FSHR: variants seen among roughly 807,000 people sequenced by gnomAD.
FSHR encodes the protein follicle-stimulating hormone receptor.
In FSHR, 46 loss-of-function variants were observed where a neutral mutation model predicts 52.1. The ratio of observed to expected loss-of-function variants is 0.88; its 90% CI spans 0.70 to 1.13. The LOEUF is 1.13. FSHR is among the 50% of genes most tolerant of loss of function. The pLI, the probability that FSHR is intolerant of heterozygous loss-of-function variation, is 0.00. For missense variants in FSHR, 964 were observed against 834.6 expected (o/e 1.16, Z -1.91); for synonymous variants, 399 against 309.6 (o/e 1.29, Z -3.03).
intron 2 of FSHR, among the ~76,000 whole-genome samples, chr2:49,036,951 C>A (rs1267300794): frequency 6.6e-6 from 1 of 152,202 alleles, no homozygotes; most frequent in Non-Finnish European, 1.5e-5. Flanking sequence ...GAACGCTGAG[C>A]ATGCATTGAA....
intron 2 of FSHR, among the ~76,000 whole-genome samples, chr2:49,043,086 G>C (rs193124574): frequency 1.7e-4 from 26 of 152,240 alleles, no homozygotes; most frequent in African/African-American, 6.0e-4. Context: ...GGGGACATCA[G>C]GAAAACACTG....
At position 49,020,168 on chromosome 2, in the gene FSHR, G is replaced by A; in HGVS notation, c.225-8C>T. On this transcript the variant is annotated splice_region_variant and splice_polypyrimidine_tract_variant and intron_variant, in intron 2 of 9. Coordinates refer to ENST00000406846, the MANE Select transcript of FSHR (RefSeq NM_000145.4). Reference sequence around the variant, plus strand: ...TCATTCTGAGAGATCTCTCTGTGGAGAAAAAAATATATAAGTCAAGCCAGT... The same window carrying A: ...TCATTCTGAGAGATCTCTCTGTGGAAAAAAAAATATATAAGTCAAGCCAGT... 4 of 1,609,670 alleles carry A rather than the reference G, an allele frequency of 2.5e-6. No individual in the cohort carries two copies. The highest frequency in any genetic ancestry group is 2.2e-5 in the East Asian group (1 of 44,862).
chr2:49,097,918 T>G (rs1036766798), intron 1 of FSHR, among the ~76,000 whole-genome samples: 1 of 151,896 alleles, frequency 6.6e-6, no homozygotes, highest in Non-Finnish European at 1.5e-5. Context: ...TGGATTTTTA[T>G]CTTATAAATT....
intron 6 of FSHR, among the ~76,000 whole-genome samples, 155 bp downstream of exon 6, chr2:48,988,822 A>G (rs1675633773): frequency 6.6e-6 from 1 of 152,240 alleles, no homozygotes; most frequent in Non-Finnish European, 1.5e-5. Flanking sequence ...TGATTCTGAA[A>G]TGTAAAGATG....
intron 1 of FSHR, among the ~76,000 whole-genome samples, chr2:49,100,280 T>C (rs1670979815): frequency 6.6e-6 from 1 of 152,166 alleles, no homozygotes; most frequent in Non-Finnish European, 1.5e-5. Context: ...TTTGCTTTCC[T>C]GCTTGTAAGT....
At chr2:49,153,129 C>T (rs1414091656) in intron 1 of FSHR, among the ~76,000 whole-genome samples, 1 of 152,222 alleles carries the variant, frequency 6.6e-6, no homozygotes, top group Admixed American at 6.5e-5. Context: ...TGCAAGGCTG[C>T]AACTCATTGT....
At chr2:49,098,690 G>C (rs1426167352) in intron 1 of FSHR, among the ~76,000 whole-genome samples, 1 of 148,612 alleles carries the variant, frequency 6.7e-6, no homozygotes, top group Non-Finnish European at 1.5e-5. Context: ...GTATGTGTGT[G>C]TATGTGTACA....
intron 1 of FSHR, among the ~76,000 whole-genome samples, chr2:49,121,749 T>C (rs533654395): frequency 2.0e-5 from 3 of 152,182 alleles, no homozygotes; most frequent in Admixed American, 1.3e-4. Flanking sequence ...CAAAAACTGG[T>C]TGCCACCGCA....
chr2:48,963,786 G>A lies in FSHR; in HGVS notation c.1035C>T (p.Thr345=). The A allele has an allele frequency of 6.2e-7, 1 of 1,614,074 alleles. No individual in the cohort carries two copies. Among genetic ancestry groups the A allele is most frequent in the South Asian group, 1.1e-5 (1 of 91,070 alleles). ...YDLCNEVVDV[T]CSPKPDAFNP... is the part of the protein sequence containing the mutation. ...TGAATGCATCTGGCTTAGGGGAGCAGGTCACGTCAACCACTTCATTGCATA... is the reference window on the plus strand; with the variant it reads ...TGAATGCATCTGGCTTAGGGGAGCAAGTCACGTCAACCACTTCATTGCATA... Residue 345 remains threonine (T), a synonymous_variant, in exon 10 of 10, where the codon ACC becomes ACT. Transcript: ENST00000406846.
intron 1 of FSHR, among the ~76,000 whole-genome samples, chr2:49,147,687 T>C (rs1038952899): frequency 6.6e-6 from 1 of 152,042 alleles, no homozygotes; most frequent in Non-Finnish European, 1.5e-5. Context: ...TTCCACTTTT[T>C]CTCTTTCAAG....
At chr2:49,046,376 C>A (rs1668654372) in intron 2 of FSHR, among the ~76,000 whole-genome samples, 1 of 152,174 alleles carries the variant, frequency 6.6e-6, no homozygotes, top group Non-Finnish European at 1.5e-5. Context: ...TAGATTAATG[C>A]ATGAACTTTG....
chr2:49,087,040 G>C (rs1345522692), intron 1 of FSHR, among the ~76,000 whole-genome samples: 1 of 137,700 alleles, frequency 7.3e-6, no homozygotes, highest in Non-Finnish European at 1.5e-5. Flanking sequence ...AAGTTGCTCT[G>C]CTCAGTAGTT....
chr2:49,069,770 C>T (rs149411985), intron 1 of FSHR, among the ~76,000 whole-genome samples: 25 of 152,266 alleles, frequency 1.6e-4, no homozygotes, highest in African/African-American at 5.5e-4. Flanking sequence ...GCCTTCTTCT[C>T]TCTGGCTTTT....
chr2:49,010,803 A>T (rs1667242060), intron 4 of FSHR, among the ~76,000 whole-genome samples: 1 of 152,134 alleles, frequency 6.6e-6, no homozygotes, highest in Non-Finnish European at 1.5e-5. Flanking sequence ...TAGATTTTCT[A>T]GTTTATTTGC....
intron 1 of FSHR, among the ~76,000 whole-genome samples, chr2:49,071,321 G>C (rs559509406): frequency 2.2e-4 from 33 of 151,966 alleles, no homozygotes; most frequent in African/African-American, 8.0e-4. Context: ...GCAAGTGGAG[G>C]GAAAAATATA....
At position 49,068,182 on chromosome 2, in the gene FSHR, C is replaced by T. The variant is rs767182315; in HGVS notation, c.224+37G>A. 5 of 1,541,356 alleles carry T rather than the reference C, an allele frequency of 3.2e-6. No homozygotes were observed. In the African/African-American group the frequency reaches 4.2e-5, roughly 13 times the overall value. On this transcript the variant is annotated intron_variant, in intron 2 of 9. Coordinates refer to ENST00000406846, the MANE Select transcript of FSHR (RefSeq NM_000145.4). ...GTCTGAGGTTGCTCCCTATAGCCCC[C>T]TTGAGGCATTCACTCACAGCAGTGC...
chr2:48,989,518 G>A (rs1675674282), intron 5 of FSHR, among the ~76,000 whole-genome samples: 1 of 152,134 alleles, frequency 6.6e-6, no homozygotes, highest in Non-Finnish European at 1.5e-5. Flanking sequence ...CTGTGCTTAA[G>A]TGATCTGCCT....
At position 48,962,984 on chromosome 2, in the gene FSHR, G is replaced by T; in HGVS notation, c.1837C>A (p.Leu613Met). ...GCACAGGAGTTGATGGGGTGAAACA[G>T]AACCAGCAGAATCTTTGCTTTGGAC... ...TVSKAKILLV[L>M]FHPINSCANP... The change falls in exon 10 of 10, where the codon CTG becomes ATG. Residue 613 changes from leucine to methionine, a missense_variant. Coordinates refer to ENST00000406846, the MANE Select transcript of FSHR (RefSeq NM_000145.4). 1 of 1,614,176 alleles carries T rather than the reference G, an allele frequency of 6.2e-7. No individual in the cohort carries two copies. Among genetic ancestry groups the T allele is most frequent in the South Asian group, 1.1e-5 (1 of 91,088 alleles).
chr2:49,058,157 G>T (rs1045827133), intron 2 of FSHR, among the ~76,000 whole-genome samples: 4 of 152,166 alleles, frequency 2.6e-5, no homozygotes, highest in Non-Finnish European at 5.9e-5. Context: ...AGTATTGAAA[G>T]TTCAAACAAG....
Sources: allele counts gnomAD v4.1 joint callset (sites outside exome capture counted in the v4.1 genomes callset), GRCh38; gene constraint gnomAD v4.1.1; transcripts MANE v1.5; gene names NCBI Gene and HGNC (gene_info 2026-07-23, HGNC 2026-07-21).